The following KLHL14 variants were observed in gnomAD, a reference collection of about 807,000 sequenced individuals.
The protein encoded by KLHL14 is kelch-like protein 14.
Under a neutral mutation model 64.3 loss-of-function variants are expected in KLHL14, and 22 were observed. That is an observed-to-expected ratio of 0.34 (90% CI 0.24 to 0.49). The LOEUF is 0.49. Ranked by LOEUF, KLHL14 falls within the 20% of genes least tolerant of loss-of-function variation. The probability of loss-of-function intolerance (pLI) is 0.99; values close to 1 mark genes in which losing one functional copy is unlikely to be tolerated. For synonymous variants in KLHL14, 322 were observed against 333.4 expected (o/e 0.97, Z 0.37); for missense variants, 661 against 789.0 (o/e 0.84, Z 1.94).
At chr18:32,723,361 C>T (rs1405560821) in intron 3 of KLHL14, among the ~76,000 whole-genome samples, 1 of 152,188 alleles carries the variant, frequency 6.6e-6, no homozygotes, top group African/African-American at 2.4e-5. Flanking sequence ...TTGCTCTGTT[C>T]TTCCACTCCA....
chr18:32,732,505 C>T (rs999662317), intron 3 of KLHL14, among the ~76,000 whole-genome samples: 1 of 152,200 alleles, frequency 6.6e-6, no homozygotes. Flanking sequence ...TTTCCAGCCA[C>T]TTTGAAATTA....
At chr18:32,714,207 ATAT>A (rs1164012618) in intron 3 of KLHL14, among the ~76,000 whole-genome samples, 1 of 152,056 alleles carries the variant, frequency 6.6e-6, no homozygotes, top group Non-Finnish European at 1.5e-5. Flanking sequence ...TATATAGAAG[ATAT>A]TATGCATTCA....
rs143059701 is a variant in KLHL14 at position 32,725,452 on chromosome 18, A to G, written c.1069+16476T>C. Among the ~76,000 whole-genome samples, 29 of 152,346 alleles carry G rather than the reference A, an allele frequency of 1.9e-4. No homozygotes were observed. In the East Asian group the frequency reaches 5.6e-3, roughly 29 times the overall value. On this transcript the variant is annotated intron_variant, in intron 3 of 8. Coordinates refer to ENST00000359358, the MANE Select transcript of KLHL14 (RefSeq NM_020805.3). ...CAGAAAAATCTCATTACACACATTTAAGAGCTGGACATATCTTTGAAAGGC... is the reference window on the plus strand; with the variant it reads ...CAGAAAAATCTCATTACACACATTTGAGAGCTGGACATATCTTTGAAAGGC...
At chr18:32,759,422 A>G (rs1285226411) in intron 2 of KLHL14, among the ~76,000 whole-genome samples, 1 of 152,236 alleles carries the variant, frequency 6.6e-6, no homozygotes, top group Non-Finnish European at 1.5e-5. Flanking sequence ...AACTATTCCT[A>G]TAAAAATCCA....
chr18:32,733,882 G>A (rs146948522), intron 3 of KLHL14: 14 of 368,658 alleles, frequency 3.8e-5, no homozygotes, highest in East Asian at 2.2e-4. Flanking sequence ...CCAAATGAAC[G>A]TGTTTACTGG....
At chr18:32,739,887 A>G (rs1374708055) in intron 3 of KLHL14, among the ~76,000 whole-genome samples, 1 of 152,144 alleles carries the variant, frequency 6.6e-6, no homozygotes. Context: ...CTCTAGGTGT[A>G]AAGGTACAGT....
chr18:32,756,329 C>T (rs2050281481), intron 2 of KLHL14, among the ~76,000 whole-genome samples: 1 of 152,194 alleles, frequency 6.6e-6, no homozygotes. Flanking sequence ...TGGTCTTGAA[C>T]TTCCAACCAC....
At chr18:32,740,859 T>C (rs1170707573) in intron 3 of KLHL14, 3 of 152,188 alleles carry the variant, frequency 2.0e-5, no homozygotes, top group African/African-American at 7.2e-5. Flanking sequence ...CACTGGGGGA[T>C]GCCAGCTCCA....
At chr18:32,717,885 C>T (rs2050054315) in intron 3 of KLHL14, among the ~76,000 whole-genome samples, 1 of 152,174 alleles carries the variant, frequency 6.6e-6, no homozygotes, top group Non-Finnish European at 1.5e-5. Context: ...TTCCATCCTC[C>T]TCTAAACGTT....
chr18:32,723,021 A>C (rs1425249802), intron 3 of KLHL14, among the ~76,000 whole-genome samples: 1 of 152,066 alleles, frequency 6.6e-6, no homozygotes, highest in African/African-American at 2.4e-5. Flanking sequence ...GGGAATGGGC[A>C]TAGGATAACA....
At chr18:32,759,725 C>CTCTT (rs2050304148) in intron 2 of KLHL14, among the ~76,000 whole-genome samples, 1 of 148,144 alleles carries the variant, frequency 6.8e-6, no homozygotes, top group Non-Finnish European at 1.5e-5. Context: ...CTCTCTCTCT[C>CTCTT]GTCATTTTGG....
At chr18:32,730,848 A>G in intron 3 of KLHL14, among the ~76,000 whole-genome samples, 1 of 152,254 alleles carries the variant, frequency 6.6e-6, no homozygotes, top group East Asian at 1.9e-4. Context: ...TTTTAAAAAA[A>G]TAAATTAAGA....
At chr18:32,692,611 A>G (rs1027114668) in intron 4 of KLHL14, among the ~76,000 whole-genome samples, 1 of 152,230 alleles carries the variant, frequency 6.6e-6, no homozygotes, top group East Asian at 1.9e-4. Flanking sequence ...GGGAGCCACT[A>G]TCCATGTGAT....
rs2049853845 is a variant in KLHL14, at chr18:32,683,511, T to C, written c.1239-2912A>G. Among the ~76,000 whole-genome samples, 2 of 152,254 alleles carry C rather than the reference T, an allele frequency of 1.3e-5. No individual in the cohort carries two copies. Among genetic ancestry groups the C allele is most frequent in the South Asian group, 4.1e-4 (2 of 4,826 alleles). ...ATGCTCCCTGCCCCTCTTCGCCACA[T>C]GAAGAACATATAAGGTTCAGGCTAT... On this transcript the variant is annotated intron_variant, in intron 5 of 8. Transcript: ENST00000359358. The surrounding 1 kb of genome is among the most constrained non-coding windows in gnomAD (Gnocchi z 4.2).
At chr18:32,692,655 A>G (rs552258547) in intron 4 of KLHL14, among the ~76,000 whole-genome samples, 4 of 152,364 alleles carry the variant, frequency 2.6e-5, no homozygotes, top group East Asian at 1.9e-4. Flanking sequence ...GATCAAAAGC[A>G]AAAGCATGAC....
chr18:32,770,350 G>C lies in KLHL14; in HGVS notation c.242C>G (p.Pro81Arg). The C allele has an allele frequency of 6.3e-7, 1 of 1,584,432 alleles. No homozygotes were observed. The highest frequency in any genetic ancestry group is 1.3e-5 in the African/African-American group (1 of 74,356). Residue 81 changes from proline to arginine, a missense_variant, in exon 2 of 9, where the codon CCC (proline) becomes CGC (arginine). By Grantham distance (103) the Pro-to-Arg change is moderately radical. This residue lies in a region of KLHL14 where 331 missense variants were observed against 339.0 expected (regional missense o/e 0.98). Coordinates refer to ENST00000359358, the MANE Select transcript of KLHL14 (RefSeq NM_020805.3). The surrounding 1 kb of genome is among the most constrained non-coding windows in gnomAD (Gnocchi z 6.7). ...GVGGQDGLGA[P>R]KDQQQPPQQQ... ...CTGCGGCGGCTGCTGCTGGTCCTTG[G>C]GGGCCCCCAGGCCGTCCTGGCCGCC... is the stretch of plus-strand genomic sequence containing the variant.
intron 8 of KLHL14, 74 bp downstream of exon 8, chr18:32,677,099 A>G: frequency 6.9e-7 from 1 of 1,452,972 alleles, no homozygotes. Flanking sequence ...TGTGGAGGAT[A>G]ACACATTTGG....
chr18:32,733,737 G>A (rs2050148249), intron 3 of KLHL14: 1 of 166,074 alleles, frequency 6.0e-6, no homozygotes, highest in Admixed American at 5.8e-5. Context: ...ACAGGGAGAA[G>A]CAGGGGGCAT....
chr18:32,731,417 T>C (rs2050136455), intron 3 of KLHL14, among the ~76,000 whole-genome samples: 1 of 152,078 alleles, frequency 6.6e-6, no homozygotes, highest in South Asian at 2.1e-4. Flanking sequence ...TTCTCTCTTA[T>C]AAGTGGGAGC....
Sources: allele counts gnomAD v4.1 joint callset (sites outside exome capture counted in the v4.1 genomes callset), GRCh38; gene constraint gnomAD v4.1.1; regional missense constraint gnomAD v4.1.1; non-coding constraint Gnocchi (gnomAD v3.1); transcripts MANE v1.5; gene names NCBI Gene and HGNC (gene_info 2026-07-23, HGNC 2026-07-21).